The following C2CD3 variants were observed in gnomAD, a reference collection of about 807,000 sequenced individuals.
The protein encoded by C2CD3 is C2 domain-containing protein 3.
A neutral mutation model predicts 234.0 loss-of-function variants in C2CD3; 148 were observed. The ratio of observed to expected loss-of-function variants is 0.63; its 90% CI spans 0.55 to 0.72. C2CD3 has a LOEUF of 0.72. C2CD3 is among the 30% of genes least tolerant of loss of function. The probability of loss-of-function intolerance (pLI) is 0.00; values close to 1 mark genes in which losing one functional copy is unlikely to be tolerated. For synonymous variants in C2CD3, 1,000 were observed against 1,035.4 expected, an observed-to-expected ratio of 0.97 and a Z score of 0.66; for missense variants, 2,577 against 2,811.5, an observed-to-expected ratio of 0.92 and a Z score of 1.89.
chr11:74,134,770 T>A (rs1420375053), intron 5 of C2CD3, among the ~76,000 whole-genome samples: 1 of 152,200 alleles, frequency 6.6e-6, no homozygotes, highest in African/African-American at 2.4e-5. Flanking sequence ...TCTGTTGCCC[T>A]AGCTGGAATG....
At chr11:74,059,394 G>C (rs577721605) in intron 24 of C2CD3, among the ~76,000 whole-genome samples, 1 of 124,334 alleles carries the variant, frequency 8.0e-6, no homozygotes, top group East Asian at 2.4e-4. Flanking sequence ...CTGGGTGACA[G>C]AGCGAGACTC....
At chr11:74,168,091 T>C (rs1048468843) in intron 2 of C2CD3, 2 of 391,634 alleles carry the variant, frequency 5.1e-6, no homozygotes, top group African/African-American at 2.1e-5. Context: ...ACTTGTTTAA[T>C]TGTCTATAAA....
chr11:74,146,071 AACAG>A (rs1335247922), intron 3 of C2CD3, among the ~76,000 whole-genome samples: 1 of 152,246 alleles, frequency 6.6e-6, no homozygotes, highest in African/African-American at 2.4e-5. Flanking sequence ...GGGCCTGTAG[AACAG>A]ACAAATAATG....
At chr11:74,080,700 G>A (rs563248917) in intron 22 of C2CD3, among the ~76,000 whole-genome samples, 1 of 152,154 alleles carries the variant, frequency 6.6e-6, no homozygotes, top group African/African-American at 2.4e-5. Context: ...TTAATTCACA[G>A]AGATGTGATT....
intron 9 of C2CD3, among the ~76,000 whole-genome samples, chr11:74,115,213 C>A (rs2135511855): frequency 6.6e-6 from 1 of 151,666 alleles, no homozygotes; most frequent in South Asian, 2.1e-4. Context: ...CACACACATA[C>A]ATACATATAT....
chr11:74,077,334 T>A (rs972781287), intron 23 of C2CD3, among the ~76,000 whole-genome samples: 1 of 152,076 alleles, frequency 6.6e-6, no homozygotes, highest in Admixed American at 6.6e-5. Context: ...TCCGATGAGT[T>A]TGGATGCACT....
At chr11:74,151,179 C>T (rs890126078) in intron 3 of C2CD3, among the ~76,000 whole-genome samples, 14 of 152,204 alleles carry the variant, frequency 9.2e-5, no homozygotes, top group South Asian at 8.3e-4. Context: ...CCGCCTCGGC[C>T]TCCCAAAGTG....
intron 32 of C2CD3, among the ~76,000 whole-genome samples, chr11:74,021,976 A>G (rs1952105465): frequency 6.6e-6 from 1 of 152,198 alleles, no homozygotes; most frequent in African/African-American, 2.4e-5. Flanking sequence ...AAATACAAAA[A>G]TTAGCTGGGC....
chr11:74,093,853 C>G lies in C2CD3; in HGVS notation c.3307G>C (p.Val1103Leu), dbSNP rs138377668. The G allele has an allele frequency of 3.1e-6, 5 of 1,613,994 alleles. No individual in the cohort carries two copies. The South Asian group carries it at 5.5e-5, about 18-fold the overall frequency. Reference protein sequence around the residue: ...LLSAFSAQGLVPGGGVQFEIW... With the variant: ...LLSAFSAQGLLPGGGVQFEIW... ...TCAAACTGGACTCCACCTCCAGGCACGAGGCCCTGTGCAGAGAAAGCACTT... is the reference window on the plus strand; with the variant it reads ...TCAAACTGGACTCCACCTCCAGGCAGGAGGCCCTGTGCAGAGAAAGCACTT... Residue 1103 changes from valine to leucine, a missense_variant, in exon 18 of 33, where the codon GTG (valine) becomes CTG (leucine). Coordinates refer to ENST00000334126, the MANE Select transcript of C2CD3 (RefSeq NM_001286577.2).
chr11:74,026,764 T>C (rs892782463), intron 32 of C2CD3, among the ~76,000 whole-genome samples: 2 of 151,658 alleles, frequency 1.3e-5, no homozygotes, highest in Non-Finnish European at 2.9e-5. Context: ...GGTCAAGAGA[T>C]TGAGACCATC....
At chr11:74,114,213 T>C (rs539480510) in intron 10 of C2CD3, among the ~76,000 whole-genome samples, 171 bp downstream of exon 10, 1 of 145,900 alleles carries the variant, frequency 6.9e-6, no homozygotes, top group East Asian at 1.9e-4. Context: ...TTTAGTCCCA[T>C]ACTTACTTAC....
intron 29 of C2CD3, among the ~76,000 whole-genome samples, chr11:74,039,193 T>G (rs1305427819): frequency 1.3e-5 from 2 of 152,234 alleles, no homozygotes; most frequent in African/African-American, 4.8e-5. Context: ...TCTACTGGTC[T>G]TGTTAGACCA....
In C2CD3 at chr11:74,163,483, G is replaced by A. The variant is rs772598830; in HGVS notation, c.326-1927C>T. 9.8e-5 allele frequency among the ~76,000 whole-genome samples: 15 copies of A among 152,308 alleles called. No homozygotes were observed. In the Middle Eastern group the frequency reaches 0.01, roughly 104 times the overall value. ...ATCCCCATGTGTCATGGGAAGGACC[G>A]GGGGAGATAACTGAATCACAAGTGC... On this transcript the variant is annotated intron_variant, in intron 2 of 32. Coordinates refer to ENST00000334126, the MANE Select transcript of C2CD3 (RefSeq NM_001286577.2).
chr11:74,061,252 T>C (rs1329129066), intron 24 of C2CD3, among the ~76,000 whole-genome samples: 2 of 152,092 alleles, frequency 1.3e-5, no homozygotes, highest in Non-Finnish European at 2.9e-5. Context: ...CAGGCCAACA[T>C]TCAAATTCAG....
At chr11:74,100,135 G>A (rs1956259599) in intron 15 of C2CD3, among the ~76,000 whole-genome samples, 1 of 152,174 alleles carries the variant, frequency 6.6e-6, no homozygotes. Flanking sequence ...TGACAATAGA[G>A]TTTTTTGGTG....
intron 32 of C2CD3, among the ~76,000 whole-genome samples, chr11:74,025,843 G>A (rs965992021): frequency 6.6e-6 from 1 of 152,178 alleles, no homozygotes; most frequent in African/African-American, 2.4e-5. Context: ...CGGGAAGGTT[G>A]AGTCACTTGC....
chr11:74,103,984 A>C (rs1487924519), intron 13 of C2CD3, among the ~76,000 whole-genome samples: 1 of 152,226 alleles, frequency 6.6e-6, no homozygotes, highest in Admixed American at 6.5e-5. Flanking sequence ...AATGGATTAT[A>C]AACTATTGAA....
chr11:74,147,387 A>G (rs1855286872), intron 3 of C2CD3, among the ~76,000 whole-genome samples: 1 of 152,184 alleles, frequency 6.6e-6, no homozygotes, highest in Admixed American at 6.5e-5. Context: ...ACTGCATTCC[A>G]GCTTGGGCAA....
intron 32 of C2CD3, among the ~76,000 whole-genome samples, chr11:74,017,440 T>C (rs1951919896): frequency 6.6e-6 from 1 of 152,162 alleles, no homozygotes; most frequent in Admixed American, 6.5e-5. Context: ...TCTCTGATAA[T>C]AGATGTGTCT....
Sources: gnomAD v4.1 joint callset for allele counts (sites outside exome capture counted in the v4.1 genomes callset) on GRCh38, gnomAD v4.1.1 for gene constraint, MANE v1.5 for transcripts, NCBI Gene and HGNC (gene_info 2026-07-23, HGNC 2026-07-21) for gene names.